STPG2: variants seen among roughly 807,000 people sequenced by gnomAD.
The protein encoded by STPG2 is sperm tail PG-rich repeat containing 2.
STPG2 carries 56 observed loss-of-function variants against 54.2 expected under a neutral mutation model. That is an observed-to-expected ratio of 1.03 (90% confidence interval 0.83 to 1.29). The LOEUF is 1.29. Ranked by LOEUF, STPG2 falls within the 50% of genes most tolerant of loss-of-function variation. The probability of loss-of-function intolerance (pLI) is 0.00; values close to 1 mark genes in which losing one functional copy is unlikely to be tolerated. For synonymous variants in STPG2, 200 were observed against 181.8 expected (o/e 1.10, Z -0.81); for missense variants, 596 against 544.9 (o/e 1.09, Z -0.93).
intron 3 of STPG2, among the ~76,000 whole-genome samples, chr4:98,127,733 T>C (rs1013629347): frequency 3.9e-5 from 6 of 152,210 alleles, no homozygotes; most frequent in African/African-American, 1.4e-4. Context: ...ACTGTCTCAG[T>C]GAAATCTTGA....
At chr4:97,816,380 C>T (rs1727911619) in intron 9 of STPG2, among the ~76,000 whole-genome samples, 1 of 152,076 alleles carries the variant, frequency 6.6e-6, no homozygotes, top group African/African-American at 2.4e-5. Flanking sequence ...ATTTATAATC[C>T]TTTGGGTATA....
chr4:97,704,588 T>A (rs1418771337), intron 10 of STPG2, among the ~76,000 whole-genome samples: 1 of 152,216 alleles, frequency 6.6e-6, no homozygotes, highest in Non-Finnish European at 1.5e-5. Flanking sequence ...AAGACCTTTT[T>A]AGAATGGCAA....
intron 8 of STPG2, among the ~76,000 whole-genome samples, chr4:97,864,889 A>G (rs1411206100): frequency 1.3e-5 from 2 of 152,188 alleles, no homozygotes; most frequent in African/African-American, 4.8e-5. Flanking sequence ...GGCTAGCCAT[A>G]TGTAGAAAGC....
At chr4:97,582,805 C>A (rs150982912) in intron 10 of STPG2, among the ~76,000 whole-genome samples, 1 of 152,088 alleles carries the variant, frequency 6.6e-6, no homozygotes, top group East Asian at 1.9e-4. Context: ...GACTCACTAG[C>A]AAGCTCTATA....
intron 5 of STPG2, among the ~76,000 whole-genome samples, chr4:98,073,040 C>T (rs1188790051): frequency 2.0e-5 from 3 of 152,238 alleles, no homozygotes; most frequent in East Asian, 3.9e-4. Context: ...GCCTGAAAAA[C>T]GTGGTGGTTA....
chr4:97,463,308 T>C (rs1341252317), intron 4 of STPG2, among the ~76,000 whole-genome samples: 2 of 152,200 alleles, frequency 1.3e-5, no homozygotes, highest in Admixed American at 6.5e-5. Context: ...TGTTTATATA[T>C]AAATTTCGGA....
At chr4:98,079,133 T>C (rs1189500214) in intron 5 of STPG2, among the ~76,000 whole-genome samples, 1 of 152,180 alleles carries the variant, frequency 6.6e-6, no homozygotes, top group Non-Finnish European at 1.5e-5. Flanking sequence ...TTTAAATAAT[T>C]TCTCCCTCTG....
intron 10 of STPG2, among the ~76,000 whole-genome samples, chr4:97,706,598 A>AC (rs1236109505): frequency 6.6e-6 from 1 of 152,170 alleles, no homozygotes; most frequent in Non-Finnish European, 1.5e-5. Context: ...AGCAGCCAAA[A>AC]CCAACTCAGA....
intron 9 of STPG2, among the ~76,000 whole-genome samples, chr4:97,783,082 G>C (rs942714147): frequency 6.6e-6 from 1 of 152,164 alleles, no homozygotes; most frequent in African/African-American, 2.4e-5. Context: ...TCACAAATTG[G>C]ATCTAATTAA....
At chr4:98,053,802 T>C (rs1470914924) in intron 5 of STPG2, among the ~76,000 whole-genome samples, 1 of 152,162 alleles carries the variant, frequency 6.6e-6, no homozygotes, top group African/African-American at 2.4e-5. Context: ...ATCCTGTGTA[T>C]ATATCTCATT....
chr4:97,831,055 A>G (rs1246073363), intron 9 of STPG2, among the ~76,000 whole-genome samples: 1 of 152,198 alleles, frequency 6.6e-6, no homozygotes, highest in Admixed American at 6.5e-5. Flanking sequence ...TCCACCCCAA[A>G]TCAAAAGAAT....
chr4:97,920,237 G>C (rs1732045615), intron 8 of STPG2, among the ~76,000 whole-genome samples: 1 of 152,134 alleles, frequency 6.6e-6, no homozygotes, highest in Non-Finnish European at 1.5e-5. Context: ...AGCAACCAAG[G>C]AATAGAAGTT....
At position 97,859,113 on chromosome 4, in the gene STPG2, T is replaced by G. The variant is rs536816829; in HGVS notation, c.1045-18181A>C. Among the ~76,000 whole-genome samples, 16 of 152,342 alleles carry G rather than the reference T, an allele frequency of 1.1e-4. No individual in the cohort carries two copies. The South Asian group carries it at 3.3e-3, about 32-fold the overall frequency. On this transcript the variant is annotated intron_variant, in intron 8 of 10. Transcript: ENST00000295268. ...TTGCAGGAGTAAGGTGGAATCTCAT[T>G]GTAATTTTAATCTACATTTCCCTGA...
intron 7 of STPG2, among the ~76,000 whole-genome samples, chr4:97,953,327 C>T (rs1366021935): frequency 6.6e-6 from 1 of 152,162 alleles, no homozygotes; most frequent in Non-Finnish European, 1.5e-5. Flanking sequence ...AAAACTCACA[C>T]CTGCTAGCAA....
At chr4:97,903,591 A>G (rs949489009) in intron 8 of STPG2, among the ~76,000 whole-genome samples, 1 of 152,196 alleles carries the variant, frequency 6.6e-6, no homozygotes. Flanking sequence ...CCGATTAACA[A>G]AAAAAGAGGG....
chr4:97,596,076 C>T (rs537578202), intron 10 of STPG2, among the ~76,000 whole-genome samples: 3 of 152,178 alleles, frequency 2.0e-5, no homozygotes, highest in Admixed American at 2.0e-4. Context: ...GAAGAAAAAT[C>T]TACCAAGCAA....
intron 4 of STPG2, among the ~76,000 whole-genome samples, chr4:97,508,233 AG>A (rs1414054990): frequency 6.6e-6 from 1 of 152,098 alleles, no homozygotes; most frequent in Non-Finnish European, 1.5e-5. Context: ...TTTATGAAAT[AG>A]GCATGACTGA....
chr4:97,864,781 A>C (rs1729699557), intron 8 of STPG2, among the ~76,000 whole-genome samples: 1 of 152,138 alleles, frequency 6.6e-6, no homozygotes, highest in African/African-American at 2.4e-5. Context: ...CCTCAGAAGT[A>C]ATACCACACA....
chr4:97,689,087 G>C (rs1240122024), intron 10 of STPG2, among the ~76,000 whole-genome samples: 1 of 152,082 alleles, frequency 6.6e-6, no homozygotes, highest in African/African-American at 2.4e-5. Flanking sequence ...ACAACTGAAT[G>C]TGCTGTCTGA....
Sources: allele counts gnomAD v4.1 joint callset (sites outside exome capture counted in the v4.1 genomes callset), GRCh38; gene constraint gnomAD v4.1.1; transcripts MANE v1.5; gene names NCBI Gene and HGNC (gene_info 2026-07-23, HGNC 2026-07-21).